The following FLAD1 variants were observed in gnomAD, a reference collection of about 807,000 sequenced individuals.
The protein encoded by FLAD1 is bifunctional FAD diphosphatase/FAD synthase.
Under a neutral mutation model 55.0 loss-of-function variants are expected in FLAD1, and 35 were observed. The observed-to-expected ratio is 0.64, with a 90% confidence interval of 0.49 to 0.84. The LOEUF (loss-of-function observed/expected upper bound fraction) is 0.84. Ranked by LOEUF, FLAD1 falls within the 40% of genes least tolerant of loss-of-function variation. The pLI, the probability that FLAD1 is intolerant of heterozygous loss-of-function variation, is 0.00. For missense variants in FLAD1, 665 were observed against 742.6 expected, an observed-to-expected ratio of 0.90 and a Z score of 1.21; for synonymous variants, 267 against 303.0, an observed-to-expected ratio of 0.88 and a Z score of 1.23.
chr1:154,984,418 T>C (rs767865306), intron 1 of FLAD1, among the ~76,000 whole-genome samples: 78 of 152,138 alleles, frequency 5.1e-4, no homozygotes, highest in Non-Finnish European at 7.6e-4. Context: ...GTGTATTGTA[T>C]ATTTAAGAGT....
chr1:154,992,895 G>A lies in FLAD1; in HGVS notation c.1629-7G>A. 1.2e-6 allele frequency: 2 copies of A among 1,613,964 alleles called. No homozygotes were observed. Among genetic ancestry groups the A allele is most frequent in the Non-Finnish European group, 1.7e-6 (2 of 1,179,964 alleles). ...CACATGCTTGCCCTCCACCCTCCCTGCTCCAGATACACATCACTGGGGAGT... is the reference window on the plus strand; with the variant it reads ...CACATGCTTGCCCTCCACCCTCCCTACTCCAGATACACATCACTGGGGAGT... On this transcript the variant is annotated splice_region_variant and splice_polypyrimidine_tract_variant and intron_variant, in intron 6 of 6. Transcript: ENST00000292180.
chr1:154,985,221 T>G (rs930151823), intron 1 of FLAD1, among the ~76,000 whole-genome samples: 12 of 138,754 alleles, frequency 8.6e-5, no homozygotes, highest in Non-Finnish European at 1.6e-4. Context: ...TAAATTTGTG[T>G]TTTTTTTGTT....
At chr1:154,992,826 T>C in intron 6 of FLAD1, 40 bp downstream of exon 6, 1 of 1,614,044 alleles carries the variant, frequency 6.2e-7, no homozygotes, top group Non-Finnish European at 8.5e-7. Context: ...AGGGAGTTTT[T>C]AGGGTGCTGG....
At chr1:154,991,931 A>G (rs968799351) in intron 5 of FLAD1, among the ~76,000 whole-genome samples, 3 of 151,488 alleles carry the variant, frequency 2.0e-5, no homozygotes, top group African/African-American at 7.3e-5. Context: ...TCACGAGGTC[A>G]GGATTTCAAG....
chr1:154,986,202 C>A (rs907046817), intron 1 of FLAD1, among the ~76,000 whole-genome samples: 3 of 152,060 alleles, frequency 2.0e-5, no homozygotes, highest in Non-Finnish European at 4.4e-5. Flanking sequence ...CCACGCCTGG[C>A]TAATTTTTGT....
chr1:154,988,804 G>A lies in FLAD1; in HGVS notation c.1072G>A (p.Ala358Thr), dbSNP rs1309659627. The A allele has an allele frequency of 1.9e-6, 3 of 1,614,178 alleles. No homozygotes were observed. The highest frequency in any genetic ancestry group is 2.2e-5 in the East Asian group (1 of 44,886). ...ATCGCTGGTCCCCTACATGCCCAACGCTGTGGAGCAGGCCAGTGAGGCTGT... is the reference window on the plus strand; with the variant it reads ...ATCGCTGGTCCCCTACATGCCCAACACTGTGGAGCAGGCCAGTGAGGCTGT... ...QGSLVPYMPN[A>T]VEQASEAVYK... Residue 358 changes from alanine (A) to threonine (T), a missense_variant, in exon 2 of 7, where the codon GCT (alanine) becomes ACT (threonine). By Grantham distance (58) the Ala-to-Thr change is moderately conservative (BLOSUM62 0). Coordinates refer to ENST00000292180, the MANE Select transcript of FLAD1 (RefSeq NM_025207.5).
In FLAD1 at chr1:154,983,897, A is replaced by G. The variant is rs150060495; in HGVS notation, c.203A>G (p.Asp68Gly). Residue 68 changes from aspartate to glycine, a missense_variant, in exon 1 of 7, where the codon GAC (aspartate) becomes GGC (glycine). Transcript: ENST00000292180. ...GGCTATGGCCCCCAGTGCCCTGTAG[A>G]CCTGGCAGGCCCCCCGTGCTTGCGA... ...FPGYGPQCPV[D>G]LAGPPCLRPL... The G allele has an allele frequency of 3.7e-4, 589 of 1,612,950 alleles. No individual in the cohort carries two copies. Among genetic ancestry groups the G allele is most frequent in the Admixed American group, 7.2e-4 (43 of 59,848 alleles).
chr1:154,991,206 C>CAAAA (rs35637355), intron 5 of FLAD1: 1 of 68,606 alleles, frequency 1.5e-5, no homozygotes, highest in African/African-American at 5.8e-5. Context: ...GACTCTGTCT[C>CAAAA]AAAAAAAAAA....
At chr1:154,988,919 G>T (rs1307900991) in intron 2 of FLAD1, 70 bp downstream of exon 2, 1 of 1,593,170 alleles carries the variant, frequency 6.3e-7, no homozygotes, top group Non-Finnish European at 8.6e-7. Flanking sequence ...CAGTAATGCA[G>T]GGGCTGTTGG....
intron 1 of FLAD1, 24 bp downstream of exon 1, chr1:154,984,090 G>A (rs1277847839): frequency 1.4e-6 from 2 of 1,478,632 alleles, no homozygotes; most frequent in South Asian, 1.5e-5. Flanking sequence ...AGAAAAGGGG[G>A]GAGGGCGCTG....
chr1:154,984,116 A>T, intron 1 of FLAD1, 50 bp downstream of exon 1: 1 of 1,430,032 alleles, frequency 7.0e-7, no homozygotes. Flanking sequence ...TCCTGTCCTT[A>T]AGGGCCTGCT....
chr1:154,992,035 C>T (rs777648191), intron 5 of FLAD1, among the ~76,000 whole-genome samples: 4 of 150,886 alleles, frequency 2.7e-5, no homozygotes, highest in Non-Finnish European at 4.4e-5. Flanking sequence ...CCCAGCTACT[C>T]AGGAGGCTGA....
intron 1 of FLAD1, chr1:154,987,844 G>A: frequency 1.0e-6 from 1 of 961,874 alleles, no homozygotes; most frequent in Non-Finnish European, 1.5e-6. Context: ...AGGCTGGGGT[G>A]GCCCTTGAAG....
rs941684349 is a variant in FLAD1 at position 154,983,890 on chromosome 1, C to T, written c.196C>T (p.Pro66Ser). The change falls in exon 1 of 7, where the codon CCT becomes TCT. Residue 66 changes from proline to serine, a missense_variant. By Grantham distance (74) the Pro-to-Ser change is moderately conservative. Transcript: ENST00000292180. ...GTTCCCAGGCTATGGCCCCCAGTGC[C>T]CTGTAGACCTGGCAGGCCCCCCGTG... ...PLFPGYGPQC[P>S]VDLAGPPCLR... The T allele has an allele frequency of 1.2e-6, 2 of 1,613,274 alleles. No homozygotes were observed. Among genetic ancestry groups the T allele is most frequent in the Non-Finnish European group, 8.5e-7 (1 of 1,179,612 alleles).
At chr1:154,991,791 G>A (rs556509834) in intron 5 of FLAD1, among the ~76,000 whole-genome samples, 32 of 152,168 alleles carry the variant, frequency 2.1e-4, no homozygotes, top group African/African-American at 7.7e-4. Context: ...AGTCGAGGCT[G>A]TAGTGAGCCA....
At chr1:154,991,232 A>ATG (rs1657852015) in intron 5 of FLAD1, 1 of 131,786 alleles carries the variant, frequency 7.6e-6, no homozygotes, top group Non-Finnish European at 1.6e-5. Flanking sequence ...AAAAATATAT[A>ATG]TATATATATG....
At chr1:154,991,624 G>A (rs1657874300) in intron 5 of FLAD1, among the ~76,000 whole-genome samples, 1 of 152,092 alleles carries the variant, frequency 6.6e-6, no homozygotes, top group African/African-American at 2.4e-5. Flanking sequence ...ATATTAGACA[G>A]TAGAGATACA....
At position 154,989,571 on chromosome 1, in the gene FLAD1, G is replaced by A; in HGVS notation, c.1129G>A (p.Gly377Arg). ...YKLAESGSSLGKKVAGALQTI... is the reference protein window; with the variant it reads ...YKLAESGSSLRKKVAGALQTI... Reference sequence around the variant, plus strand: ...TGCCTGCTTGGCAGGGTCTTCTTTGGGGAAAAAGGTGGCAGGTGCCCTACA... The same window carrying A: ...TGCCTGCTTGGCAGGGTCTTCTTTGAGGAAAAAGGTGGCAGGTGCCCTACA... The change falls in exon 3 of 7, where the codon GGG becomes AGG. Residue 377 changes from glycine to arginine, a missense_variant. Physicochemically the swap from Gly to Arg is moderately radical, Grantham distance 125 (BLOSUM62 -2). Coordinates refer to ENST00000292180, the MANE Select transcript of FLAD1 (RefSeq NM_025207.5). 6.3e-7 allele frequency: 1 copy of A among 1,578,806 alleles called. No individual in the cohort carries two copies.
intron 1 of FLAD1, chr1:154,987,516 C>G (rs1305849862): frequency 6.2e-6 from 1 of 160,812 alleles, no homozygotes; most frequent in Non-Finnish European, 1.4e-5. Context: ...ATCACAGTGA[C>G]GCATTAAAAC....
Sources: gnomAD v4.1 joint callset for allele counts (sites outside exome capture counted in the v4.1 genomes callset) on GRCh38, gnomAD v4.1.1 for gene constraint, MANE v1.5 for transcripts, NCBI Gene and HGNC (gene_info 2026-07-23, HGNC 2026-07-21) for gene names.